The following KCNQ5 variants were observed in gnomAD, a reference collection of about 807,000 sequenced individuals.
KCNQ5 encodes the protein potassium voltage-gated channel subfamily KQT member 5.
A neutral mutation model predicts 98.2 loss-of-function variants in KCNQ5; 30 were observed. That is an observed-to-expected ratio of 0.31 (90% CI 0.23 to 0.41). The LOEUF (loss-of-function observed/expected upper bound fraction) is 0.41, where lower values mean the gene tolerates loss of function less well. Among genes scored for constraint, KCNQ5 ranks in the 10% least tolerant of loss-of-function variants. The pLI, the probability that KCNQ5 is intolerant of heterozygous loss-of-function variation, is 1.00. For missense variants in KCNQ5, 835 were observed against 1,182.5 expected, an observed-to-expected ratio of 0.71 and a Z score of 4.31; for synonymous variants, 458 against 449.4, an observed-to-expected ratio of 1.02 and a Z score of -0.24.
At chr6:72,732,978 C>T (rs76615404) in intron 1 of KCNQ5, among the ~76,000 whole-genome samples, 6,432 of 152,092 alleles carry the variant, frequency 0.042, 418 homozygotes, top group African/African-American at 0.14. Context: ...TATTACTCTT[C>T]ATAAAGAAGT....
At chr6:73,188,058 G>A (rs12660923) in intron 11 of KCNQ5, among the ~76,000 whole-genome samples, 1 of 152,282 alleles carries the variant, frequency 6.6e-6, no homozygotes, top group African/African-American at 2.4e-5. Context: ...ACACACTGAC[G>A]TATGCTGTAG....
At chr6:72,784,748 T>A (rs939833117) in intron 1 of KCNQ5, among the ~76,000 whole-genome samples, 7 of 142,646 alleles carry the variant, frequency 4.9e-5, no homozygotes, top group Admixed American at 4.3e-4. Context: ...TGGGAAAAGA[T>A]CTTCTTCGAG....
chr6:72,622,428 G>T lies in KCNQ5; in HGVS notation c.239G>T (p.Arg80Leu). Residue 80 changes from arginine (R) to leucine (L), a missense_variant, in exon 1 of 14, where the codon CGG (arginine) becomes CTG (leucine). Arg to Leu is a moderately radical substitution (Grantham distance 102, BLOSUM62 -2). Coordinates refer to ENST00000370398, the MANE Select transcript of KCNQ5 (RefSeq NM_019842.4). This position sits in a 1 kb window ranked among gnomAD's most constrained non-coding sequence, Gnocchi z 6.0. The part of the protein sequence containing the change: ...GGGGGLRESR[R>L]GKQGARMSLL... The stretch of plus-strand genomic sequence containing the variant: ...GGCGGTGGCCTGAGGGAGAGCCGCC[G>T]GGGCAAGCAGGGGGCCCGGATGAGC... 6.5e-7 allele frequency: 1 copy of T among 1,544,086 alleles called. No homozygotes were observed.
intron 5 of KCNQ5, among the ~76,000 whole-genome samples, chr6:73,088,958 T>TATG (rs1774113978): frequency 6.6e-6 from 1 of 152,208 alleles, no homozygotes; most frequent in South Asian, 2.1e-4. Flanking sequence ...CAATCTCTCC[T>TATG]GTACATTTGC....
At chr6:72,785,859 C>T (rs1456937636) in intron 1 of KCNQ5, among the ~76,000 whole-genome samples, 1 of 152,078 alleles carries the variant, frequency 6.6e-6, no homozygotes, top group Non-Finnish European at 1.5e-5. Flanking sequence ...TACATCCATT[C>T]CCGCAATAAA....
chr6:73,127,664 G>T (rs1776046204), intron 9 of KCNQ5, among the ~76,000 whole-genome samples: 1 of 152,154 alleles, frequency 6.6e-6, no homozygotes, highest in Admixed American at 6.5e-5. Flanking sequence ...AAGGGATTTT[G>T]TCTTTCTACA....
At chr6:72,751,702 A>G (rs1241553533) in intron 1 of KCNQ5, among the ~76,000 whole-genome samples, 1 of 152,108 alleles carries the variant, frequency 6.6e-6, no homozygotes, top group Non-Finnish European at 1.5e-5. Flanking sequence ...GGATTAATAT[A>G]GGCATCACTC....
At position 73,012,608 on chromosome 6, in the gene KCNQ5, G is replaced by A. The variant is rs142346979; in HGVS notation, c.489+8610G>A. Among the ~76,000 whole-genome samples the A allele has an allele frequency of 1.2e-3, 177 of 152,022 alleles. 1 individual carries two copies. The highest frequency in any genetic ancestry group is 4.1e-3 in the African/African-American group (169 of 41,506). On this transcript the variant is annotated intron_variant, in intron 2 of 13. Coordinates refer to ENST00000370398, the MANE Select transcript of KCNQ5 (RefSeq NM_019842.4). ...ACCACACTGAACCATACTTTAAAAT[G>A]GTTAAACTGTAAATTTTATATTACA...
chr6:72,898,610 T>C (rs1302181232), intron 1 of KCNQ5, among the ~76,000 whole-genome samples: 2 of 152,240 alleles, frequency 1.3e-5, no homozygotes, highest in Admixed American at 6.5e-5. Flanking sequence ...GTCTTAGCTA[T>C]TGTGAATAGT....
intron 1 of KCNQ5, among the ~76,000 whole-genome samples, chr6:72,699,090 T>C (rs549088453): frequency 2.0e-5 from 3 of 152,316 alleles, no homozygotes; most frequent in East Asian, 3.9e-4. Flanking sequence ...TAACACTGTT[T>C]TGGCTGAATC....
At chr6:73,021,883 C>T (rs375714254) in intron 2 of KCNQ5, among the ~76,000 whole-genome samples, 4 of 152,186 alleles carry the variant, frequency 2.6e-5, no homozygotes, top group South Asian at 4.1e-4. Context: ...AGTGATTATT[C>T]GCTCATTTTG....
intron 8 of KCNQ5, among the ~76,000 whole-genome samples, chr6:73,122,719 A>G (rs576958209): frequency 6.6e-6 from 1 of 152,334 alleles, no homozygotes; most frequent in East Asian, 1.9e-4. Context: ...TTGTTAAACC[A>G]TTGAGAATGT....
intron 2 of KCNQ5, among the ~76,000 whole-genome samples, chr6:73,024,428 A>C (rs1270270386): frequency 3.7e-4 from 1 of 2,690 alleles, no homozygotes; most frequent in East Asian, 0.016. Flanking sequence ...GTTGATAGAC[A>C]GGTAGATCTC....
intron 1 of KCNQ5, among the ~76,000 whole-genome samples, chr6:72,900,239 A>T (rs1040991164): frequency 1.3e-5 from 2 of 151,834 alleles, no homozygotes; most frequent in African/African-American, 4.8e-5. Context: ...TTCACTTAGA[A>T]TAATAGCCTC....
intron 1 of KCNQ5, among the ~76,000 whole-genome samples, chr6:72,823,504 T>C (rs1401605334): frequency 2.0e-5 from 3 of 152,184 alleles, no homozygotes; most frequent in Admixed American, 2.0e-4. Flanking sequence ...AGTGACACCA[T>C]TTCTTACTAT....
At chr6:72,907,961 C>G (rs1779769949) in intron 1 of KCNQ5, among the ~76,000 whole-genome samples, 1 of 152,004 alleles carries the variant, frequency 6.6e-6, no homozygotes, top group South Asian at 2.1e-4. Context: ...CATGCTGTGA[C>G]ATCAGTGGAG....
chr6:72,943,179 T>C (rs1275976050), intron 1 of KCNQ5, among the ~76,000 whole-genome samples: 1 of 152,224 alleles, frequency 6.6e-6, no homozygotes, highest in Non-Finnish European at 1.5e-5. Context: ...TTCAAAAGCA[T>C]CCGCCTCTTA....
chr6:72,851,410 G>A (rs978713190), intron 1 of KCNQ5, among the ~76,000 whole-genome samples: 1 of 152,032 alleles, frequency 6.6e-6, no homozygotes, highest in Admixed American at 6.6e-5. Flanking sequence ...ATTAATCTGG[G>A]ACCAGCTCAA....
At chr6:72,811,331 G>T (rs1775232691) in intron 1 of KCNQ5, among the ~76,000 whole-genome samples, 2 of 152,104 alleles carry the variant, frequency 1.3e-5, no homozygotes, top group Non-Finnish European at 2.9e-5. Context: ...CAGGCTTCCT[G>T]AATCTAAGGA....
Sources: allele counts gnomAD v4.1 joint callset (sites outside exome capture counted in the v4.1 genomes callset), GRCh38; gene constraint gnomAD v4.1.1; non-coding constraint Gnocchi (gnomAD v3.1); transcripts MANE v1.5; gene names NCBI Gene and HGNC (gene_info 2026-07-23, HGNC 2026-07-21).